TRIOBP: variants seen among roughly 807,000 people sequenced by gnomAD.
TRIOBP encodes TRIO and F-actin-binding protein.
Under a neutral mutation model 238.8 loss-of-function variants are expected in TRIOBP, and 169 were observed. The ratio of observed to expected loss-of-function variants is 0.71; its 90% CI spans 0.62 to 0.80. The LOEUF is 0.80. TRIOBP is among the 30% of genes least tolerant of loss of function. The pLI is 0.00. For missense variants in TRIOBP, 2,838 were observed against 3,122.6 expected, an observed-to-expected ratio of 0.91 and a Z score of 2.17; for synonymous variants, 1,150 against 1,274.4, an observed-to-expected ratio of 0.90 and a Z score of 2.08.
intron 2 of TRIOBP, among the ~76,000 whole-genome samples, chr22:37,701,045 C>T (rs1033229950): frequency 6.6e-6 from 1 of 152,134 alleles, no homozygotes; most frequent in Non-Finnish European, 1.5e-5. Context: ...GAGTCCTTGG[C>T]GTGCACTTTC....
At chr22:37,759,765 G>T (rs904956246) in intron 17 of TRIOBP, 21 of 1,398,318 alleles carry the variant, frequency 1.5e-5, no homozygotes, top group South Asian at 4.5e-5. Flanking sequence ...TTCTCAACGG[G>T]GTCCATTTTG....
chr22:37,770,629 G>A (rs1000237406), intron 21 of TRIOBP, among the ~76,000 whole-genome samples: 2 of 151,392 alleles, frequency 1.3e-5, no homozygotes, highest in Non-Finnish European at 2.9e-5. Context: ...CGCCCACTTC[G>A]GCCTCTCAAA....
chr22:37,767,957 G>A, intron 18 of TRIOBP, 117 bp from the exon 19 acceptor site: 2 of 801,242 alleles, frequency 2.5e-6, no homozygotes, highest in Non-Finnish European at 4.3e-6. Context: ...TACTTGCATA[G>A]TACTATGTGG....
intron 17 of TRIOBP, chr22:37,759,924 T>C: frequency 1.5e-5 from 4 of 264,362 alleles, no homozygotes; most frequent in Non-Finnish European, 2.6e-5. Flanking sequence ...GTACACAATT[T>C]ACAAATAAAA....
At chr22:37,744,473 T>C (rs1037719628) in intron 11 of TRIOBP, among the ~76,000 whole-genome samples, 3 of 152,216 alleles carry the variant, frequency 2.0e-5, no homozygotes, top group African/African-American at 7.2e-5. Context: ...AGCACTGATC[T>C]GTCAGCATTG....
intron 14 of TRIOBP, 110 bp downstream of exon 14, chr22:37,755,300 C>T: frequency 8.4e-7 from 1 of 1,186,794 alleles, no homozygotes; most frequent in Non-Finnish European, 1.2e-6. Flanking sequence ...TCCCTTCACT[C>T]ATTTACCCAG....
intron 21 of TRIOBP, among the ~76,000 whole-genome samples, chr22:37,769,792 G>A (rs1926676975): frequency 1.3e-5 from 2 of 151,798 alleles, no homozygotes; most frequent in Admixed American, 6.6e-5. Context: ...GTAGTGACAC[G>A]ATCTCAGTTC....
chr22:37,698,262 C>T (rs141315280), intron 2 of TRIOBP, among the ~76,000 whole-genome samples: 91 of 149,914 alleles, frequency 6.1e-4, no homozygotes, highest in African/African-American at 2.1e-3. Context: ...ATGCTTCACA[C>T]CTGTAATCCC....
chr22:37,699,867 C>CATATATTT (rs1555893488), intron 2 of TRIOBP, among the ~76,000 whole-genome samples: 2 of 150,846 alleles, frequency 1.3e-5, no homozygotes, highest in Non-Finnish European at 3.0e-5. Flanking sequence ...TTTTCATTTT[C>CATATATTT]ATTTATTTAT....
intron 8 of TRIOBP, among the ~76,000 whole-genome samples, chr22:37,734,195 C>A (rs371206684): frequency 6.6e-6 from 1 of 152,276 alleles, no homozygotes; most frequent in East Asian, 1.9e-4. Context: ...CTTTGCAGAT[C>A]TTTTTCTGGA....
chr22:37,702,627 TC>T, intron 3 of TRIOBP, among the ~76,000 whole-genome samples: 1 of 145,090 alleles, frequency 6.9e-6, no homozygotes, highest in South Asian at 2.2e-4. Context: ...ATTTTCTTTC[TC>T]TCTCTCTTTT....
At chr22:37,734,338 C>T in intron 8 of TRIOBP, 61 bp from the exon 9 acceptor site, 2 of 1,492,892 alleles carry the variant, frequency 1.3e-6, no homozygotes, top group Non-Finnish European at 1.9e-6. Context: ...CTAAGAAAGG[C>T]AGAGCTGGCA....
intron 6 of TRIOBP, among the ~76,000 whole-genome samples, chr22:37,717,123 G>A (rs190042615): frequency 1.3e-5 from 2 of 152,286 alleles, no homozygotes; most frequent in East Asian, 3.9e-4. Flanking sequence ...GTGGGTTCGC[G>A]GTCTCGCTGG....
intron 6 of TRIOBP, 104 bp from the exon 7 acceptor site, chr22:37,723,081 G>T (rs956557269): frequency 8.7e-5 from 99 of 1,133,244 alleles, no homozygotes; most frequent in Non-Finnish European, 1.3e-4. Context: ...GGAGGAGGGT[G>T]TGGGGTTTGC....
chr22:37,698,503 G>A (rs1452040079), intron 2 of TRIOBP, among the ~76,000 whole-genome samples: 1 of 150,992 alleles, frequency 6.6e-6, no homozygotes, highest in Non-Finnish European at 1.5e-5. Flanking sequence ...ACAGGCATGC[G>A]CACCACGCCC....
chr22:37,713,454 C>A lies in TRIOBP; in HGVS notation c.456+43C>A. Reference sequence around the variant, plus strand: ...GTTTGGGGGACAAGAGTGGCTCACACCTCCATCTGCAGCCCTGGGTCCCAC... The same window carrying A: ...GTTTGGGGGACAAGAGTGGCTCACAACTCCATCTGCAGCCCTGGGTCCCAC... On this transcript the variant is annotated intron_variant, in intron 5 of 23. Transcript: ENST00000644935. The A allele has an allele frequency of 1.9e-6, 3 of 1,598,686 alleles. No individual in the cohort carries two copies. The South Asian group carries it at 3.3e-5, about 18-fold the overall frequency.
rs767007563 is a variant in TRIOBP at position 37,723,687 on chromosome 22, C to T, written c.1131C>T (p.Asn377=). 2 of 1,614,046 alleles carry T rather than the reference C, an allele frequency of 1.2e-6. No individual in the cohort carries two copies. Among genetic ancestry groups the T allele is most frequent in the Admixed American group, 3.3e-5 (2 of 60,022 alleles). Residue 377 remains asparagine (N), a synonymous_variant, in exon 7 of 24, where the codon AAC becomes AAT. Transcript: ENST00000644935. ...CTACTTGTACTCCCCAGCGGGAAAA[C>T]CCCAGGACACCCTGTGTCCAGCAGG... ...SFPTCTPQRE[N]PRTPCVQQDD...
At position 37,735,303 on chromosome 22, in the gene TRIOBP, G is replaced by C. The variant is rs1924618062; in HGVS notation, c.4967G>C (p.Ser1656Thr). The C allele has an allele frequency of 6.2e-7, 1 of 1,612,378 alleles. No homozygotes were observed. The highest frequency in any genetic ancestry group is 8.5e-7 in the Non-Finnish European group (1 of 1,179,010). Reference protein sequence around the residue: ...LQSQSPVQLPSPACTSTQWPK... With the variant: ...LQSQSPVQLPTPACTSTQWPK... ...TCCCAGAGCCCGGTCCAGCTGCCCA[G>C]CCCTGCCTGCACCTCCACCCAGTGG... The change falls in exon 9 of 24, where the codon AGC becomes ACC. Residue 1656 changes from serine to threonine, a missense_variant. By Grantham distance (58) the Ser-to-Thr change is moderately conservative. Coordinates refer to ENST00000644935, the MANE Select transcript of TRIOBP (RefSeq NM_001039141.3).
chr22:37,725,110 G>C lies in TRIOBP; in HGVS notation c.2554G>C (p.Asp852His), dbSNP rs754274451. ...DNLRPTCTQRDRTQSFSFQRD... is the reference protein window; with the variant it reads ...DNLRPTCTQRHRTQSFSFQRD... ...CCTCAGACCCACTTGTACACAGCGG[G>C]ACCGCACACAGTCCTTTTCCTTTCA... The change falls in exon 7 of 24, where the codon GAC becomes CAC. Residue 852 changes from aspartate to histidine, a missense_variant. Asp to His is a moderately conservative substitution (Grantham distance 81). This residue lies in a region of TRIOBP where 2,096 missense variants were observed against 2,137.4 expected (regional missense o/e 0.98). Transcript: ENST00000644935. 1.9e-6 allele frequency: 3 copies of C among 1,613,990 alleles called. No homozygotes were observed. In the South Asian group the frequency reaches 3.3e-5, roughly 18 times the overall value.
Sources: gnomAD v4.1 joint callset for allele counts (sites outside exome capture counted in the v4.1 genomes callset) on GRCh38, gnomAD v4.1.1 for gene constraint, gnomAD v4.1.1 regional missense constraint, MANE v1.5 for transcripts, NCBI Gene and HGNC (gene_info 2026-07-23, HGNC 2026-07-21) for gene names.